Variants in ANKRD11 observed in about 807,000 individuals in gnomAD.
The protein encoded by ANKRD11 is ankyrin repeat domain-containing protein 11.
Under a neutral mutation model 195.7 loss-of-function variants are expected in ANKRD11, and 17 were observed. That is an observed-to-expected ratio of 0.09 (90% confidence interval 0.06 to 0.13). The LOEUF (loss-of-function observed/expected upper bound fraction) is 0.13. ANKRD11 is among the 10% of genes least tolerant of loss of function. The pLI, the probability that ANKRD11 is intolerant of heterozygous loss-of-function variation, is 1.00. For missense variants in ANKRD11, 3,735 were observed against 3,566.1 expected (o/e 1.05, Z -1.21); for synonymous variants, 1,953 against 1,528.1 (o/e 1.28, Z -6.49).
In ANKRD11 at chr16:89,285,981, G is replaced by C. The variant is rs1458671956; in HGVS notation, c.892+58C>G. ...GGGGCAACACTGTGCAAACACCACA[G>C]GGCAGCTCCTACCATCCCTGCATAA... On this transcript the variant is annotated intron_variant, in intron 8 of 12. Coordinates refer to ENST00000301030, the MANE Select transcript of ANKRD11 (RefSeq NM_013275.6). This position sits in a 1 kb window ranked among gnomAD's most constrained non-coding sequence, Gnocchi z 5.6. 3.7e-6 allele frequency: 6 copies of C among 1,611,064 alleles called. No homozygotes were observed. Among genetic ancestry groups the C allele is most frequent in the African/African-American group, 2.7e-5 (2 of 74,910 alleles).
At chr16:89,405,032 AC>A (rs1353925562) in intron 2 of ANKRD11, among the ~76,000 whole-genome samples, 1 of 151,906 alleles carries the variant, frequency 6.6e-6, no homozygotes, top group Admixed American at 6.6e-5. Flanking sequence ...CTCCCATCCC[AC>A]CAGAGCCATG....
chr16:89,305,450 T>C (rs1316067474), intron 3 of ANKRD11, 106 bp from the exon 4 acceptor site: 1 of 1,483,706 alleles, frequency 6.7e-7, no homozygotes, highest in Non-Finnish European at 9.3e-7. Context: ...ATTTGGGCAA[T>C]GAACACCCTC....
intron 2 of ANKRD11, among the ~76,000 whole-genome samples, chr16:89,381,081 G>C (rs536253837): frequency 1.3e-5 from 2 of 152,168 alleles, no homozygotes; most frequent in Non-Finnish European, 2.9e-5. Context: ...CCAGCACTTT[G>C]GGAGGCCGAG....
At chr16:89,398,548 C>T (rs1341650656) in intron 2 of ANKRD11, among the ~76,000 whole-genome samples, 14 of 152,130 alleles carry the variant, frequency 9.2e-5, no homozygotes, top group Non-Finnish European at 8.8e-5. Flanking sequence ...GAGACCCCAT[C>T]TCTTAAAAAA....
chr16:89,318,885 C>G (rs76544374), intron 2 of ANKRD11, among the ~76,000 whole-genome samples: 1,578 of 152,314 alleles, frequency 0.01, 24 homozygotes, highest in African/African-American at 0.035. Context: ...TCCCTGATGC[C>G]TGAGGCCAGA....
chr16:89,382,337 T>TATATA (rs200805935), intron 2 of ANKRD11, among the ~76,000 whole-genome samples: 47 of 149,788 alleles, frequency 3.1e-4, no homozygotes, highest in African/African-American at 5.7e-4. Flanking sequence ...ATATATATAT[T>TATATA]TTTTTAAAGA....
chr16:89,293,712 A>C (rs1225486734), intron 4 of ANKRD11, among the ~76,000 whole-genome samples: 1 of 122,310 alleles, frequency 8.2e-6, no homozygotes, highest in African/African-American at 3.3e-5. Context: ...CGGAGGGAGG[A>C]GCTGGGGCAG....
chr16:89,444,433 C>A (rs1471801499), intron 1 of ANKRD11, among the ~76,000 whole-genome samples: 1 of 150,644 alleles, frequency 6.6e-6, no homozygotes, highest in African/African-American at 2.5e-5. Context: ...AAAGCACTAA[C>A]GGCCTACTTT....
At chr16:89,321,230 C>T (rs1288877648) in intron 2 of ANKRD11, 1 of 152,324 alleles carries the variant, frequency 6.6e-6, no homozygotes, top group Non-Finnish European at 1.5e-5. Context: ...ACGGCAAGGT[C>T]AGTTTGGCAA....
Position 89,285,179 on chromosome 16 carries a change from T to C in ANKRD11, c.1363A>G (p.Lys455Glu). ...AKQQKEKNKVKKKRKKETKGR... is the reference protein window; with the variant it reads ...AKQQKEKNKVEKKRKKETKGR... ...TTTGTTTCTTTCTTTCGCTTCTTTT[T>C]CACTTTATTTTTTTCCTTCTGCTGC... Residue 455 changes from lysine to glutamate, a missense_variant, in exon 9 of 13, where the codon AAA (lysine) becomes GAA (glutamate). Coordinates refer to ENST00000301030, the MANE Select transcript of ANKRD11 (RefSeq NM_013275.6). This position sits in a 1 kb window ranked among gnomAD's most constrained non-coding sequence, Gnocchi z 5.6. The C allele has an allele frequency of 1.2e-6, 2 of 1,613,538 alleles. No homozygotes were observed. The highest frequency in any genetic ancestry group is 1.1e-5 in the South Asian group (1 of 91,082).
At chr16:89,296,605 C>T (rs1182755396) in intron 4 of ANKRD11, among the ~76,000 whole-genome samples, 4 of 152,194 alleles carry the variant, frequency 2.6e-5, no homozygotes, top group African/African-American at 9.7e-5. Flanking sequence ...TTTTAACTCC[C>T]CTGATGAATA....
intron 1 of ANKRD11, among the ~76,000 whole-genome samples, chr16:89,460,446 C>T (rs2056613238): frequency 6.6e-6 from 1 of 152,156 alleles, no homozygotes; most frequent in Admixed American, 6.5e-5. Context: ...GTAATCCCAG[C>T]TACTCAGGAG....
At chr16:89,316,890 C>T (rs758753821) in intron 3 of ANKRD11, 43 bp downstream of exon 3, 1 of 1,598,384 alleles carries the variant, frequency 6.3e-7, no homozygotes, top group East Asian at 2.3e-5. Context: ...TCATCCCCAT[C>T]TGGGTGCGGT....
chr16:89,401,911 G>A (rs1408163955), intron 2 of ANKRD11, among the ~76,000 whole-genome samples: 13 of 149,522 alleles, frequency 8.7e-5, no homozygotes, highest in Non-Finnish European at 1.9e-4. Flanking sequence ...CCATCCCCCA[G>A]AACCTGGAGA....
intron 2 of ANKRD11, among the ~76,000 whole-genome samples, chr16:89,378,632 T>C (rs994800578): frequency 3.3e-5 from 5 of 152,220 alleles, no homozygotes; most frequent in African/African-American, 1.2e-4. Context: ...GTAGCTTCTC[T>C]TGTTTGAAGA....
intron 1 of ANKRD11, among the ~76,000 whole-genome samples, chr16:89,467,170 G>T (rs547201476): frequency 6.0e-4 from 91 of 152,250 alleles, no homozygotes; most frequent in Non-Finnish European, 1.1e-3. Flanking sequence ...GGCGGCTCAT[G>T]TCTATAATCC....
chr16:89,299,970 C>A (rs1349547871), intron 4 of ANKRD11: 19 of 153,966 alleles, frequency 1.2e-4, no homozygotes, highest in African/African-American at 2.5e-4. Flanking sequence ...GAGGTGCCTG[C>A]CCTGTGTGGG....
In ANKRD11 at chr16:89,283,759, T is replaced by G; in HGVS notation, c.2783A>C (p.Lys928Thr). ...TTCCGAAAGGTAGCCAGGGACACTT[T>G]TATGCTTTTCGGTCTGCTCTTTCCT... ...EKRKEQTEKH[K>T]SVPGYLSEKD... The change falls in exon 9 of 13, where the codon AAA (lysine) becomes ACA (threonine). Residue 928 changes from lysine (K) to threonine (T), a missense_variant. Physicochemically the swap from Lys to Thr is moderately conservative, Grantham distance 78. Coordinates refer to ENST00000301030, the MANE Select transcript of ANKRD11 (RefSeq NM_013275.6). This position sits in a 1 kb window ranked among gnomAD's most constrained non-coding sequence, Gnocchi z 4.3. 6.2e-7 allele frequency: 1 copy of G among 1,613,564 alleles called. No homozygotes were observed. Among genetic ancestry groups the G allele is most frequent in the East Asian group, 2.2e-5 (1 of 44,842 alleles).
intron 1 of ANKRD11, chr16:89,443,191 C>T (rs776981902): frequency 6.6e-6 from 1 of 152,062 alleles, no homozygotes; most frequent in South Asian, 2.1e-4. Flanking sequence ...AGGGTTTCAC[C>T]CTGACCTCAA....
Sources: gnomAD v4.1 joint callset for allele counts (sites outside exome capture counted in the v4.1 genomes callset) on GRCh38, gnomAD v4.1.1 for gene constraint, Gnocchi (gnomAD v3.1) non-coding constraint, MANE v1.5 for transcripts, NCBI Gene and HGNC (gene_info 2026-07-23, HGNC 2026-07-21) for gene names.